Variants in UGT1A6 observed in about 807,000 individuals in gnomAD.
UGT1A6 encodes the protein UDP glucuronosyltransferase family 1 member A6, also known as UDP-glucuronosyltransferase 1A6.
A neutral mutation model predicts 44.4 loss-of-function variants in UGT1A6; 32 were observed. The ratio of observed to expected loss-of-function variants is 0.72; its 90% CI spans 0.54 to 0.97. The LOEUF is 0.97. UGT1A6 is among the 50% of genes least tolerant of loss of function. The probability of loss-of-function intolerance (pLI) is 0.00; values close to 1 mark genes in which losing one functional copy is unlikely to be tolerated. For missense variants in UGT1A6, 685 were observed against 661.9 expected, an observed-to-expected ratio of 1.03 and a Z score of -0.38; for synonymous variants, 238 against 248.5, an observed-to-expected ratio of 0.96 and a Z score of 0.40.
At chr2:233,704,499 C>T (rs143604503) in intron 1 of UGT1A6, among the ~76,000 whole-genome samples, 159 of 151,990 alleles carry the variant, frequency 1.0e-3, no homozygotes, top group Middle Eastern at 3.4e-3. Context: ...TATTGTTATA[C>T]GTGGTACATC....
Position 233,767,830 on chromosome 2 carries a change from C to A in UGT1A6, c.994-19C>A. 6.2e-7 allele frequency: 1 copy of A among 1,614,170 alleles called. No homozygotes were observed. The highest frequency in any genetic ancestry group is 8.5e-7 in the Non-Finnish European group (1 of 1,180,024). Reference sequence around the variant, plus strand: ...TATTATGTTCTTTCTTTACGTTCTGCTCTTTTTGCCCCTCCCAGGTCCTGT... The same window carrying A: ...TATTATGTTCTTTCTTTACGTTCTGATCTTTTTGCCCCTCCCAGGTCCTGT... On this transcript the variant is annotated intron_variant, in intron 2 of 4. Coordinates refer to ENST00000305139, the MANE Select transcript of UGT1A6 (RefSeq NM_001072.4).
At chr2:233,697,352 A>G (rs2075386143) in intron 1 of UGT1A6, among the ~76,000 whole-genome samples, 1 of 151,986 alleles carries the variant, frequency 6.6e-6, no homozygotes, top group Admixed American at 6.6e-5. Flanking sequence ...TAGGTTTTCT[A>G]ATTTGTTGGC....
At chr2:233,756,025 C>T (rs1696093592) in intron 1 of UGT1A6, 1 of 152,194 alleles carries the variant, frequency 6.6e-6, no homozygotes, top group African/African-American at 2.4e-5. Context: ...TTACACATCC[C>T]CCATGTAGCT....
intron 1 of UGT1A6, among the ~76,000 whole-genome samples, chr2:233,728,333 C>G (rs2077701109): frequency 6.6e-6 from 1 of 152,198 alleles, no homozygotes; most frequent in Non-Finnish European, 1.5e-5. Context: ...CCAGCTCCCC[C>G]AGTCCCTTGG....
intron 1 of UGT1A6, among the ~76,000 whole-genome samples, chr2:233,759,797 C>T (rs1216409236): frequency 1.3e-5 from 2 of 152,262 alleles, no homozygotes; most frequent in East Asian, 3.9e-4. Flanking sequence ...ACACATGATA[C>T]AAGTGAGCAG....
chr2:233,744,938 G>A (rs940061009), intron 1 of UGT1A6, among the ~76,000 whole-genome samples: 6 of 151,930 alleles, frequency 3.9e-5, no homozygotes, highest in African/African-American at 1.5e-4. Flanking sequence ...AAATGACACA[G>A]TATTTGTATA....
At chr2:233,742,175 T>C (rs1052722591) in intron 1 of UGT1A6, among the ~76,000 whole-genome samples, 7 of 151,768 alleles carry the variant, frequency 4.6e-5, no homozygotes, top group African/African-American at 1.5e-4. Flanking sequence ...CACAGAAATA[T>C]AGAGTGTGGA....
chr2:233,704,647 T>A (rs1262134477), intron 1 of UGT1A6, among the ~76,000 whole-genome samples: 1 of 152,158 alleles, frequency 6.6e-6, no homozygotes, highest in African/African-American at 2.4e-5. Context: ...TTGCTTATCA[T>A]TTTTGGTTCT....
rs2077300002 is a variant in UGT1A6 at position 233,724,705 on chromosome 2, G to T, written c.861+30840G>T. On this transcript the variant is annotated intron_variant, in intron 1 of 4. Transcript: ENST00000305139. The stretch of plus-strand genomic sequence containing the variant: ...TGGCGGCCGGGTGAAGACGCTCCTC[G>T]CTTTCCAGACTGGGCAGCCAGGCAG... 1.4e-5 allele frequency among the ~76,000 whole-genome samples: 2 copies of T among 143,500 alleles called. 1 individual carries two copies. Among genetic ancestry groups the T allele is most frequent in the South Asian group, 5.0e-4 (2 of 3,986 alleles). 94.1% of individuals were successfully genotyped at this position (143,500 alleles called of 152,430 possible).
rs777025300 is a variant in UGT1A6, at chr2:233,693,162, G to T, written c.158G>T (p.Gly53Val). ...KDIVEVLSDRGHEIVVVVPEV... is the reference protein window; with the variant it reads ...KDIVEVLSDRVHEIVVVVPEV... ...ATAGTTGAGGTTCTCAGTGACCGGG[G>T]TCATGAGATTGTAGTGGTGGTGCCT... Residue 53 changes from glycine to valine, a missense_variant, in exon 1 of 5, where the codon GGT (glycine) becomes GTT (valine). Coordinates refer to ENST00000305139, the MANE Select transcript of UGT1A6 (RefSeq NM_001072.4). The T allele has an allele frequency of 5.0e-6, 8 of 1,614,088 alleles. No homozygotes were observed. In the Admixed American group the frequency reaches 1.3e-4, roughly 27 times the overall value.
At chr2:233,711,602 G>C (rs764299544) in intron 1 of UGT1A6, among the ~76,000 whole-genome samples, 3 of 152,140 alleles carry the variant, frequency 2.0e-5, no homozygotes, top group Non-Finnish European at 4.4e-5. Context: ...TCCTGCCTGC[G>C]CCCTCTGGTG....
At chr2:233,750,789 A>G (rs555312200) in intron 1 of UGT1A6, 1 of 151,930 alleles carries the variant, frequency 6.6e-6, no homozygotes, top group African/African-American at 2.4e-5. Context: ...TACACAGAAG[A>G]TAAGAATTTA....
At chr2:233,766,650 A>G (rs1364133681) in intron 1 of UGT1A6, among the ~76,000 whole-genome samples, 3 of 152,158 alleles carry the variant, frequency 2.0e-5, no homozygotes, top group African/African-American at 7.2e-5. Context: ...TATCATTTAA[A>G]GGGACCACGC....
intron 1 of UGT1A6, chr2:233,747,412 T>C: frequency 6.2e-7 from 1 of 1,607,344 alleles, no homozygotes; most frequent in East Asian, 2.2e-5. Context: ...GAGGTGAATA[T>C]GCACATCAAA....
intron 1 of UGT1A6, chr2:233,719,795 T>A: frequency 1.9e-6 from 3 of 1,604,386 alleles, no homozygotes; most frequent in Non-Finnish European, 2.6e-6. Flanking sequence ...AAAGATTTTA[T>A]TTTGGCTTCT....
intron 1 of UGT1A6, among the ~76,000 whole-genome samples, chr2:233,697,309 ATTGT>A (rs1228045255): frequency 2.0e-5 from 3 of 151,956 alleles, no homozygotes; most frequent in Admixed American, 6.6e-5. Context: ...ATCTTGGTAG[ATTGT>A]TTGTGTTTGG....
chr2:233,691,862 A>G (rs1473009985), upstream of UGT1A6: 1 of 157,276 alleles, frequency 6.4e-6, no homozygotes, highest in African/African-American at 2.4e-5. Context: ...GATGTATAAT[A>G]AGAAATATAT....
intron 1 of UGT1A6, among the ~76,000 whole-genome samples, chr2:233,694,601 C>A (rs187602409): frequency 6.6e-6 from 1 of 152,322 alleles, no homozygotes; most frequent in Admixed American, 6.5e-5. Flanking sequence ...TGAAGGGCTT[C>A]AGGCAACTCC....
chr2:233,772,238 T>C (rs765306920), intron 4 of UGT1A6, 24 bp from the exon 5 acceptor site: 1 of 1,613,980 alleles, frequency 6.2e-7, no homozygotes, highest in African/African-American at 1.3e-5. Context: ...GTTCCAGGCA[T>C]AACGAAACTG....
Sources: allele counts gnomAD v4.1 joint callset (sites outside exome capture counted in the v4.1 genomes callset), GRCh38; gene constraint gnomAD v4.1.1; transcripts MANE v1.5; gene names NCBI Gene and HGNC (gene_info 2026-07-23, HGNC 2026-07-21).